NFRKB: variants seen among roughly 807,000 people sequenced by gnomAD.
NFRKB encodes nuclear factor related to kappa-B-binding protein.
In NFRKB, 62 loss-of-function variants were observed where a neutral mutation model predicts 135.7. The ratio of observed to expected loss-of-function variants is 0.46; its 90% CI spans 0.37 to 0.56. The LOEUF (loss-of-function observed/expected upper bound fraction) is 0.56, where lower values mean the gene tolerates loss of function less well. Ranked by LOEUF, NFRKB falls within the 20% of genes least tolerant of loss-of-function variation. The probability of loss-of-function intolerance (pLI) is 0.00; values close to 1 mark genes in which losing one functional copy is unlikely to be tolerated. For missense variants in NFRKB, 1,545 were observed against 1,662.0 expected (o/e 0.93, Z 1.22); for synonymous variants, 678 against 635.6 (o/e 1.07, Z -1.00).
chr11:129,874,378 C>T lies in NFRKB; in HGVS notation c.2059-45G>A. 1 of 1,520,606 alleles carries T rather than the reference C, an allele frequency of 6.6e-7. No individual in the cohort carries two copies. Among genetic ancestry groups the T allele is most frequent in the Admixed American group, 2.3e-5 (1 of 44,020 alleles). The allele number at this position is 1,520,606 out of a possible 1,614,324, so 94.2% of individuals were successfully genotyped here. A position where few individuals can be genotyped will look rare whatever the true frequency, so the allele number is the denominator to read the frequency against. On this transcript the variant is annotated intron_variant, in intron 20 of 26. Coordinates refer to ENST00000682444, the MANE Select transcript of NFRKB (RefSeq NM_001143835.2). This position sits in a 1 kb window ranked among gnomAD's most constrained non-coding sequence, Gnocchi z 4.5. ...AAACTCACCTGGTGTCGTGAAGATC[C>T]CCCTAAAGGAAGGGACACCCCTACA...
At chr11:129,894,867 C>T (rs1357051861) in intron 1 of NFRKB, among the ~76,000 whole-genome samples, 1 of 152,254 alleles carries the variant, frequency 6.6e-6, no homozygotes, top group East Asian at 1.9e-4. Flanking sequence ...AGACTATCAA[C>T]TGCAAAGTCA....
chr11:129,873,181 G>A (rs548870126), intron 22 of NFRKB, 85 bp from the exon 23 acceptor site: 35 of 1,207,616 alleles, frequency 2.9e-5, no homozygotes, highest in South Asian at 1.4e-4. Context: ...TCAGCACCCC[G>A]GAAGCATTGC....
intron 1 of NFRKB, among the ~76,000 whole-genome samples, 184 bp from the exon 2 acceptor site, chr11:129,894,622 A>T (rs1428395602): frequency 1.3e-5 from 2 of 152,266 alleles, no homozygotes; most frequent in African/African-American, 4.8e-5. Context: ...GATATAGCAG[A>T]AACTTAAGCG....
rs1267504076 is a variant in NFRKB, at chr11:129,874,973, T to C, written c.1855-57A>G. 1 of 1,604,902 alleles carries C rather than the reference T, an allele frequency of 6.2e-7. No homozygotes were observed. Among genetic ancestry groups the C allele is most frequent in the African/African-American group, 1.3e-5 (1 of 74,828 alleles). Reference sequence around the variant, plus strand: ...AGTCAAGCTTAGATAACAGAAGTTATTTGAACTCTAGGAAAAAAATGTCAT... The same window carrying C: ...AGTCAAGCTTAGATAACAGAAGTTACTTGAACTCTAGGAAAAAAATGTCAT... On this transcript the variant is annotated intron_variant, in intron 18 of 26. Coordinates refer to ENST00000682444, the MANE Select transcript of NFRKB (RefSeq NM_001143835.2). The surrounding 1 kb of genome is among the most constrained non-coding windows in gnomAD (Gnocchi z 4.5).
rs778463750 is a variant in NFRKB, at chr11:129,869,730, G to C, written c.3295C>G (p.Pro1099Ala). 1.2e-6 allele frequency: 2 copies of C among 1,614,124 alleles called. No individual in the cohort carries two copies. The highest frequency in any genetic ancestry group is 1.1e-5 in the South Asian group (1 of 91,084). Residue 1099 changes from proline to alanine, a missense_variant, in exon 24 of 27, where the codon CCC (proline) becomes GCC (alanine). Physicochemically the swap from Pro to Ala is conservative, Grantham distance 27 (BLOSUM62 -1). This residue lies in a region of NFRKB where 753 missense variants were observed against 804.3 expected (regional missense o/e 0.94). Coordinates refer to ENST00000682444, the MANE Select transcript of NFRKB (RefSeq NM_001143835.2). Reference protein sequence around the residue: ...RIVQGLGVMPPKAGQTITVAT... With the variant: ...RIVQGLGVMPAKAGQTITVAT... ...ACGGTGATGGTCTGGCCTGCTTTGG[G>C]AGGCATCACTCCCAGTCCCTGCACG...
chr11:129,880,543 C>G (rs897292447), intron 13 of NFRKB, among the ~76,000 whole-genome samples: 1 of 152,202 alleles, frequency 6.6e-6, no homozygotes, highest in Non-Finnish European at 1.5e-5. Flanking sequence ...TGGCTCAGTG[C>G]TATTCATCAT....
rs1287534021 is a variant in NFRKB, at chr11:129,864,265, CA to C, written c.*459del. 1 of 154,664 alleles carries C rather than the reference CA, an allele frequency of 6.5e-6. No individual in the cohort carries two copies. Among genetic ancestry groups the C allele is most frequent in the African/African-American group, 2.4e-5 (1 of 41,470 alleles). The allele number at this position is 154,664 out of a possible 1,614,324, so 9.6% of individuals were successfully genotyped here. A position where few individuals can be genotyped will look rare whatever the true frequency, so the allele number is the denominator to read the frequency against. On this transcript the variant is annotated 3_prime_UTR_variant, in exon 27 of 27. Coordinates refer to ENST00000682444, the MANE Select transcript of NFRKB (RefSeq NM_001143835.2). ...GTTTGTATTTGAGAAAGATGTACAACAGGTTCTTTAAAAAAATAAATTACAT... is the reference window on the plus strand; with the variant it reads ...GTTTGTATTTGAGAAAGATGTACAACGGTTCTTTAAAAAAATAAATTACAT...
rs149234091 is a variant in NFRKB at position 129,865,951 on chromosome 11, G to C, written c.3564C>G (p.Leu1188=). The C allele has an allele frequency of 1.7e-5, 28 of 1,613,496 alleles. No homozygotes were observed. The highest frequency in any genetic ancestry group is 2.4e-5 in the Non-Finnish European group (28 of 1,179,834). Residue 1188 remains leucine, a synonymous_variant, in exon 25 of 27, where the codon CTC becomes CTG. Coordinates refer to ENST00000682444, the MANE Select transcript of NFRKB (RefSeq NM_001143835.2). ...CCTTCATTGGCTGGCTGATCACAGA[G>C]AGGGGAACTGTGATCCGTGTAGGCA... ...GKLPTRITVP[L]SVISQPMKGK...
chr11:129,893,953 G>A (rs1181678328), intron 2 of NFRKB: 1 of 152,128 alleles, frequency 6.6e-6, no homozygotes. Flanking sequence ...AATTCCTGAG[G>A]TTCCACACAC....
intron 22 of NFRKB, among the ~76,000 whole-genome samples, chr11:129,873,326 G>A (rs148807234): frequency 6.6e-6 from 1 of 152,300 alleles, no homozygotes; most frequent in African/African-American, 2.4e-5. Context: ...TACACACTGA[G>A]GACAAATACT....
At chr11:129,886,201 A>T in intron 5 of NFRKB, 116 bp downstream of exon 5, 1 of 1,153,760 alleles carries the variant, frequency 8.7e-7, no homozygotes, top group African/African-American at 1.5e-5. Context: ...GTCACAGATT[A>T]ATTGGTAGCA....
intron 17 of NFRKB, among the ~76,000 whole-genome samples, chr11:129,875,797 C>T (rs1006198242): frequency 4.0e-5 from 6 of 151,762 alleles, no homozygotes; most frequent in African/African-American, 1.5e-4. Flanking sequence ...GCTGGGATTA[C>T]AGCCGTGCAC....
intron 13 of NFRKB, among the ~76,000 whole-genome samples, chr11:129,879,490 C>T (rs1319046266): frequency 6.6e-6 from 1 of 152,170 alleles, no homozygotes; most frequent in African/African-American, 2.4e-5. Context: ...GAGAATCACG[C>T]TCACTGAAAA....
intron 3 of NFRKB, among the ~76,000 whole-genome samples, chr11:129,891,738 C>T (rs182963180): frequency 4.6e-5 from 7 of 152,286 alleles, no homozygotes; most frequent in Admixed American, 4.6e-4. Flanking sequence ...TAATGTAAAC[C>T]AAACTACTAC....
At chr11:129,893,418 GGCGTGGTGGCGCACGCCT>G (rs1271043793) in intron 2 of NFRKB, 1 of 335,670 alleles carries the variant, frequency 3.0e-6, no homozygotes, top group African/African-American at 2.5e-5. Context: ...AAATCAGCCA[GGCGTGGTGGCGCACGCCT>G]GTAGTCCCAG....
intron 1 of NFRKB, among the ~76,000 whole-genome samples, 162 bp downstream of exon 1, chr11:129,895,334 T>A (rs568687925): frequency 1.5e-5 from 2 of 134,072 alleles, no homozygotes; most frequent in South Asian, 4.6e-4. Context: ...ACGCCGTGCC[T>A]AACCCTAACC....
rs548815589 is a variant in NFRKB, at chr11:129,888,506, AG to A, written c.337+87del. 2.0e-4 allele frequency: 257 copies of A among 1,285,488 alleles called. 3 individuals are homozygous for A. In the South Asian group the frequency reaches 3.0e-3, roughly 15 times the overall value. 79.6% of individuals were successfully genotyped at this position (1,285,488 alleles called of 1,614,324 possible). A position where few individuals can be genotyped will look rare whatever the true frequency, so the allele number is the denominator to read the frequency against. Reference sequence around the variant, plus strand: ...TCAGTATCTGTACATGAAGATAAAAAGAAGAAAAGGAAGAAAGGAATACCCA... The same window carrying A: ...TCAGTATCTGTACATGAAGATAAAAAAAGAAAAGGAAGAAAGGAATACCCA... On this transcript the variant is annotated intron_variant, in intron 4 of 26. Transcript: ENST00000682444.
At chr11:129,879,633 C>G (rs545323518) in intron 13 of NFRKB, among the ~76,000 whole-genome samples, 41 of 152,300 alleles carry the variant, frequency 2.7e-4, no homozygotes, top group African/African-American at 8.2e-4. Flanking sequence ...TCAGGAAAAC[C>G]CTGCTCCAGG....
At chr11:129,868,199 T>C (rs1948303052) in intron 24 of NFRKB, among the ~76,000 whole-genome samples, 1 of 152,112 alleles carries the variant, frequency 6.6e-6, no homozygotes. Context: ...TCTATGTATA[T>C]AAAGAATTCA....
Sources: allele counts gnomAD v4.1 joint callset (sites outside exome capture counted in the v4.1 genomes callset), GRCh38; gene constraint gnomAD v4.1.1; regional missense constraint gnomAD v4.1.1; non-coding constraint Gnocchi (gnomAD v3.1); transcripts MANE v1.5; gene names NCBI Gene and HGNC (gene_info 2026-07-23, HGNC 2026-07-21).